Variants in CALD1 observed in about 807,000 individuals in gnomAD.
CALD1 encodes caldesmon.
In CALD1, 33 loss-of-function variants were observed where a neutral mutation model predicts 99.9. That is an observed-to-expected ratio of 0.33 (90% confidence interval 0.25 to 0.44). The LOEUF is 0.44. Among genes scored for constraint, CALD1 ranks in the 20% least tolerant of loss-of-function variants. The pLI is 1.00. For missense variants in CALD1, 861 were observed against 962.1 expected (o/e 0.89, Z 1.39); for synonymous variants, 310 against 325.0 (o/e 0.95, Z 0.50).
rs556913615 is a variant in CALD1 at position 134,938,829 on chromosome 7, G to A, written c.1387-2263G>A. Among the ~76,000 whole-genome samples, 9 of 152,166 alleles carry A rather than the reference G, an allele frequency of 5.9e-5. No individual in the cohort carries two copies. The East Asian group carries it at 9.7e-4, about 16-fold the overall frequency. ...AAAGGCAGAGCTTGAAAAAAGGGGGGATTTTTTTTCTGTTAGACATGTATC... is the reference window on the plus strand; with the variant it reads ...AAAGGCAGAGCTTGAAAAAAGGGGGAATTTTTTTTCTGTTAGACATGTATC... On this transcript the variant is annotated intron_variant, in intron 6 of 14. Coordinates refer to ENST00000361675, the MANE Select transcript of CALD1 (RefSeq NM_033138.4).
In CALD1 at chr7:134,864,678, G is replaced by A. The variant is rs899894444; in HGVS notation, c.-41-3015G>A. On this transcript the variant is annotated intron_variant, in intron 2 of 14. Coordinates refer to ENST00000361675, the MANE Select transcript of CALD1 (RefSeq NM_033138.4). Reference sequence around the variant, plus strand: ...GCCTCCCAAAGTGCTGGGATTACAGGCATGAGCCACTGCATCTGGCCTGAA... The same window carrying A: ...GCCTCCCAAAGTGCTGGGATTACAGACATGAGCCACTGCATCTGGCCTGAA... Among the ~76,000 whole-genome samples, 10 of 152,300 alleles carry A rather than the reference G, an allele frequency of 6.6e-5. 3 individuals carry two copies. Among genetic ancestry groups the A allele is most frequent in the Admixed American group, 6.5e-4 (10 of 15,308 alleles).
intron 4 of CALD1, among the ~76,000 whole-genome samples, chr7:134,931,822 A>G (rs556994499): frequency 3.3e-5 from 5 of 152,318 alleles, no homozygotes; most frequent in African/African-American, 9.6e-5. Context: ...TCCACTGTAG[A>G]AAAGATGGAC....
rs139168322 is a variant in CALD1 at position 134,821,607 on chromosome 7, G to C, written c.-129-22277G>C. On this transcript the variant is annotated intron_variant, in intron 1 of 14. Transcript: ENST00000361675. The stretch of plus-strand genomic sequence containing the variant: ...ACATTTTTTTTTTTTTTTTGAGACA[G>C]AGTCTCGCTCCGTCACCCAGGCTGG... 2.7e-5 allele frequency among the ~76,000 whole-genome samples: 3 copies of C among 110,728 alleles called. 1 individual carries two copies. The East Asian group carries it at 1.0e-3, about 38-fold the overall frequency. 72.6% of individuals were successfully genotyped at this position (110,728 alleles called of 152,430 possible).
chr7:134,734,548 A>T, the CALD1 span, among the ~76,000 whole-genome samples: 1 of 152,110 alleles, frequency 6.6e-6, no homozygotes, highest in Non-Finnish European at 1.5e-5. Flanking sequence ...CCCAAATCTC[A>T]TCTTGAATTG....
chr7:134,924,602 T>C (rs1390023739), intron 3 of CALD1, among the ~76,000 whole-genome samples: 1 of 152,170 alleles, frequency 6.6e-6, no homozygotes, highest in African/African-American at 2.4e-5. Context: ...ACTGGACATG[T>C]TATGATTGAA....
chr7:134,868,124 TA>T, intron 3 of CALD1: 1 of 164,830 alleles, frequency 6.1e-6, no homozygotes, highest in East Asian at 1.7e-4. Flanking sequence ...AAAAAGCTTA[TA>T]TAATAAGAAA....
chr7:134,968,015 G>A (rs890853551), intron 14 of CALD1, among the ~76,000 whole-genome samples: 1 of 151,976 alleles, frequency 6.6e-6, no homozygotes, highest in Non-Finnish European at 1.5e-5. Context: ...GCGTGGTGGT[G>A]TATGCCCGTA....
chr7:134,965,449 T>C, intron 14 of CALD1, 63 bp downstream of exon 14: 1 of 823,624 alleles, frequency 1.2e-6, no homozygotes, highest in Non-Finnish European at 2.2e-6. Context: ...TGTAGTATAA[T>C]GTCCTGGAGT....
At chr7:134,806,983 G>A (rs1202596665) in intron 1 of CALD1, among the ~76,000 whole-genome samples, 1 of 151,972 alleles carries the variant, frequency 6.6e-6, no homozygotes, top group Non-Finnish European at 1.5e-5. Context: ...CATTCAGATT[G>A]CATTATTAAT....
intron 1 of CALD1, among the ~76,000 whole-genome samples, chr7:134,789,095 G>A (rs1224781191): frequency 1.3e-5 from 2 of 148,608 alleles, no homozygotes; most frequent in Non-Finnish European, 3.0e-5. Flanking sequence ...CAGTGTTCAT[G>A]TTGGAGCTCA....
intron 3 of CALD1, among the ~76,000 whole-genome samples, chr7:134,914,195 G>A (rs543380673): frequency 1.3e-5 from 2 of 152,134 alleles, no homozygotes; most frequent in Non-Finnish European, 2.9e-5. Flanking sequence ...ATACGAGGTG[G>A]GCAAAGTGAG....
At chr7:134,808,103 CTTT>C (rs35834412) in intron 1 of CALD1, among the ~76,000 whole-genome samples, 22 of 142,194 alleles carry the variant, frequency 1.5e-4, no homozygotes, top group East Asian at 2.1e-4. Context: ...CCCATTCCAT[CTTT>C]TTTTTTTTTT....
intron 4 of CALD1, among the ~76,000 whole-genome samples, chr7:134,932,664 G>A (rs1048559336): frequency 1.3e-5 from 2 of 152,150 alleles, no homozygotes; most frequent in African/African-American, 4.8e-5. Context: ...TACACACCTC[G>A]GAGTTATCCC....
chr7:134,876,386 T>G (rs1274623934), intron 3 of CALD1, among the ~76,000 whole-genome samples: 1 of 152,230 alleles, frequency 6.6e-6, no homozygotes, highest in African/African-American at 2.4e-5. Flanking sequence ...AAAAAGTCTA[T>G]GGCTATTGAT....
chr7:134,910,635 T>C (rs2132695457), intron 3 of CALD1, among the ~76,000 whole-genome samples: 1 of 152,080 alleles, frequency 6.6e-6, no homozygotes, highest in East Asian at 1.9e-4. Flanking sequence ...AAAAGACTGA[T>C]GGCACATGCA....
chr7:134,803,398 C>T (rs1229700404), intron 1 of CALD1, among the ~76,000 whole-genome samples: 2 of 151,874 alleles, frequency 1.3e-5, no homozygotes, highest in African/African-American at 4.8e-5. Context: ...TCCCATTTAT[C>T]ATTCTTTAAA....
chr7:134,748,712 C>CT (rs1249171813), intron 1 of CALD1, among the ~76,000 whole-genome samples: 3 of 82,492 alleles, frequency 3.6e-5, no homozygotes, highest in East Asian at 1.9e-3. Flanking sequence ...ACTCCATCCC[C>CT]CCGCCCCCCA....
chr7:134,924,212 G>A (rs753127035), intron 3 of CALD1, among the ~76,000 whole-genome samples: 1 of 152,136 alleles, frequency 6.6e-6, no homozygotes, highest in Non-Finnish European at 1.5e-5. Context: ...GAAAATGGTA[G>A]AATATATCAC....
chr7:134,807,029 T>C (rs1563014812), intron 1 of CALD1, among the ~76,000 whole-genome samples: 1 of 152,168 alleles, frequency 6.6e-6, no homozygotes, highest in Non-Finnish European at 1.5e-5. Context: ...AGATTTAGCT[T>C]TGAAGGTAAT....
Sources: gnomAD v4.1 joint callset for allele counts (sites outside exome capture counted in the v4.1 genomes callset) on GRCh38, gnomAD v4.1.1 for gene constraint, MANE v1.5 for transcripts, NCBI Gene and HGNC (gene_info 2026-07-23, HGNC 2026-07-21) for gene names.